The following KCNIP4 variants were observed in gnomAD, a reference collection of about 807,000 sequenced individuals.
KCNIP4 encodes Kv channel-interacting protein 4.
In KCNIP4, 12 loss-of-function variants were observed where a neutral mutation model predicts 34.0. The ratio of observed to expected loss-of-function variants is 0.35; its 90% CI spans 0.23 to 0.57. The LOEUF (loss-of-function observed/expected upper bound fraction) is 0.57. Ranked by LOEUF, KCNIP4 falls within the 20% of genes least tolerant of loss-of-function variation. The pLI is 0.83. For synonymous variants in KCNIP4, 124 were observed against 102.2 expected (o/e 1.21, Z -1.29); for missense variants, 238 against 311.7 (o/e 0.76, Z 1.78).
At chr4:20,911,973 T>C (rs1427873103) in intron 1 of KCNIP4, among the ~76,000 whole-genome samples, 1 of 152,208 alleles carries the variant, frequency 6.6e-6, no homozygotes, top group African/African-American at 2.4e-5. Context: ...CAGCTCACAG[T>C]GCATCAATGC....
At chr4:21,227,012 C>T (rs879035000) in intron 1 of KCNIP4, among the ~76,000 whole-genome samples, 3 of 152,082 alleles carry the variant, frequency 2.0e-5, no homozygotes, top group Admixed American at 1.3e-4. Flanking sequence ...TGGCAACAAA[C>T]GGTGGTGCTT....
rs151125862 is a variant in KCNIP4 at position 20,847,560 on chromosome 4, A to G, written c.288+2983T>C. 1.3e-3 allele frequency among the ~76,000 whole-genome samples: 201 copies of G among 152,220 alleles called. 1 individual carries two copies. Among genetic ancestry groups the G allele is most frequent in the Middle Eastern group, 6.8e-3 (2 of 294 alleles). ...TCAGCTGCTCACTTTTGAGACTCAG[A>G]ATCTGGCAAGAGACCTAAAAATGTG... On this transcript the variant is annotated intron_variant, in intron 3 of 8. Coordinates refer to ENST00000382152, the MANE Select transcript of KCNIP4 (RefSeq NM_025221.6).
intron 1 of KCNIP4, among the ~76,000 whole-genome samples, chr4:21,145,652 T>C (rs2109225870): frequency 6.6e-6 from 1 of 152,246 alleles, no homozygotes; most frequent in South Asian, 2.1e-4. Flanking sequence ...AGGGCCCTGA[T>C]TAAAGACTGA....
At chr4:20,790,548 A>G (rs1488485399) in intron 3 of KCNIP4, among the ~76,000 whole-genome samples, 2 of 102,904 alleles carry the variant, frequency 1.9e-5, no homozygotes, top group African/African-American at 6.2e-5. Flanking sequence ...AGCTTTCTTA[A>G]TTTTTAATTT....
chr4:21,370,365 G>A lies in KCNIP4; in HGVS notation c.62-487656C>T, dbSNP rs897203690. 1.0e-4 allele frequency among the ~76,000 whole-genome samples: 15 copies of A among 146,786 alleles called. 2 individuals are homozygous for A. Among genetic ancestry groups the A allele is most frequent in the African/African-American group, 4.1e-4 (15 of 36,570 alleles). ...CATTACATGTCAGGGATCTTTCCTAGGTACTGAAGGTGCATGGCTGTAAAA... is the reference window on the plus strand; with the variant it reads ...CATTACATGTCAGGGATCTTTCCTAAGTACTGAAGGTGCATGGCTGTAAAA... On this transcript the variant is annotated intron_variant, in intron 1 of 8. Transcript: ENST00000382152.
chr4:21,098,286 AG>A (rs1321321172), intron 1 of KCNIP4, among the ~76,000 whole-genome samples: 2 of 152,302 alleles, frequency 1.3e-5, no homozygotes, highest in African/African-American at 4.8e-5. Context: ...AAATTGATGG[AG>A]GGGGCTGCAT....
intron 3 of KCNIP4, among the ~76,000 whole-genome samples, chr4:20,825,816 A>T (rs2149450617): frequency 6.6e-6 from 1 of 152,296 alleles, no homozygotes; most frequent in East Asian, 1.9e-4. Context: ...GTGCGTAAAG[A>T]ATTTGTGTAG....
At chr4:21,802,613 T>C (rs1174239014) in intron 1 of KCNIP4, among the ~76,000 whole-genome samples, 1 of 152,194 alleles carries the variant, frequency 6.6e-6, no homozygotes, top group Non-Finnish European at 1.5e-5. Flanking sequence ...TTCTCTACAT[T>C]GTACAACAAT....
intron 1 of KCNIP4, among the ~76,000 whole-genome samples, chr4:21,202,764 C>G (rs969852597): frequency 6.6e-6 from 1 of 152,076 alleles, no homozygotes; most frequent in Non-Finnish European, 1.5e-5. Flanking sequence ...ATCTCTATAC[C>G]TCTAGTTATA....
At chr4:21,545,286 C>T (rs1577570317) in intron 1 of KCNIP4, among the ~76,000 whole-genome samples, 1 of 151,894 alleles carries the variant, frequency 6.6e-6, no homozygotes, top group African/African-American at 2.4e-5. Flanking sequence ...ATAATCCACC[C>T]CTTGGATAAC....
intron 1 of KCNIP4, among the ~76,000 whole-genome samples, chr4:20,962,604 AC>A (rs1733956245): frequency 6.6e-6 from 1 of 152,156 alleles, no homozygotes; most frequent in African/African-American, 2.4e-5. Context: ...ATTAAAACCA[AC>A]AAGCCAGGTT....
intron 1 of KCNIP4, among the ~76,000 whole-genome samples, chr4:21,516,122 G>A (rs889768999): frequency 1.3e-5 from 2 of 152,148 alleles, no homozygotes; most frequent in African/African-American, 4.8e-5. Context: ...AACTTATGTT[G>A]AGCTCTAACC....
intron 1 of KCNIP4, among the ~76,000 whole-genome samples, chr4:21,759,414 C>T (rs17498614): frequency 0.092 from 13,995 of 152,096 alleles, 679 homozygotes; most frequent in Middle Eastern, 0.18. Context: ...GAACTTATTG[C>T]CAAGTGAAAA....
intron 1 of KCNIP4, among the ~76,000 whole-genome samples, chr4:21,128,889 G>T (rs775242077): frequency 6.6e-6 from 1 of 152,128 alleles, no homozygotes; most frequent in African/African-American, 2.4e-5. Context: ...GGAGCCAGGC[G>T]CTTACCATTC....
chr4:20,770,411 T>A (rs1045766429), intron 3 of KCNIP4, among the ~76,000 whole-genome samples: 1 of 151,992 alleles, frequency 6.6e-6, no homozygotes, highest in Non-Finnish European at 1.5e-5. Flanking sequence ...TAAATTTTTT[T>A]AGATTTTACT....
intron 1 of KCNIP4, among the ~76,000 whole-genome samples, chr4:21,738,474 TC>T (rs1229774160): frequency 1.3e-5 from 2 of 152,072 alleles, no homozygotes; most frequent in African/African-American, 4.8e-5. Flanking sequence ...CTAAAAAGAG[TC>T]CCTGAAACAA....
intron 1 of KCNIP4, chr4:21,846,597 T>G (rs1421849980): frequency 6.6e-6 from 1 of 152,192 alleles, no homozygotes; most frequent in Non-Finnish European, 1.5e-5. Context: ...TTGGTTATTA[T>G]TATGATGCAC....
At chr4:21,870,069 G>A (rs1725693199) in intron 1 of KCNIP4, among the ~76,000 whole-genome samples, 1 of 152,124 alleles carries the variant, frequency 6.6e-6, no homozygotes, top group Admixed American at 6.5e-5. Flanking sequence ...AAGATTAGGA[G>A]GCCATACTAG....
intron 1 of KCNIP4, among the ~76,000 whole-genome samples, chr4:21,631,600 A>T (rs1048216092): frequency 2.2e-4 from 34 of 152,320 alleles, no homozygotes; most frequent in Admixed American, 2.2e-3. Flanking sequence ...TAGTTTCTGC[A>T]ACTCCACGGT....
Sources: gnomAD v4.1 joint callset for allele counts (sites outside exome capture counted in the v4.1 genomes callset) on GRCh38, gnomAD v4.1.1 for gene constraint, MANE v1.5 for transcripts, NCBI Gene and HGNC (gene_info 2026-07-23, HGNC 2026-07-21) for gene names.